Variants in SDHA observed in about 807,000 individuals in gnomAD.
SDHA encodes the protein succinate dehydrogenase complex flavoprotein subunit A, also known as succinate dehydrogenase [ubiquinone] flavoprotein subunit, mitochondrial.
Under a neutral mutation model 78.4 loss-of-function variants are expected in SDHA, and 48 were observed. The observed-to-expected ratio is 0.61, with a 90% CI of 0.49 to 0.78. The LOEUF (loss-of-function observed/expected upper bound fraction) is 0.78, where lower values mean the gene tolerates loss of function less well. Among genes scored for constraint, SDHA ranks in the 30% least tolerant of loss-of-function variants. SDHA has a pLI of 0.00. For synonymous variants in SDHA, 326 were observed against 353.9 expected, an observed-to-expected ratio of 0.92 and a Z score of 0.88; for missense variants, 680 against 892.7, an observed-to-expected ratio of 0.76 and a Z score of 3.04.
chr5:255,102 G>GGT (rs1346342887), intron 14 of SDHA, among the ~76,000 whole-genome samples: 5 of 106,116 alleles, frequency 4.7e-5, no homozygotes, highest in South Asian at 2.5e-4. Context: ...CACACACGGT[G>GGT]AGCAGCGTCC....
downstream of SDHA, among the ~76,000 whole-genome samples, chr5:258,586 A>G (rs1448802360): frequency 9.0e-6 from 1 of 111,092 alleles, no homozygotes; most frequent in Non-Finnish European, 1.8e-5. Flanking sequence ...CCGCCAGAGC[A>G]TTACCGTGTG....
At position 235,230 on chromosome 5, in the gene SDHA, C is replaced by G. The variant is rs151170408; in HGVS notation, c.1151C>G (p.Ser384Ter). ...EQLATRLPGI[S>*]ETAMIFAGVD... The stretch of plus-strand genomic sequence containing the variant: ...CTGGCCACGCGCCTGCCTGGCATTT[C>G]AGAGACAGCCATGATCTTCGCTGGC... The change falls in exon 9 of 15, where the codon TCA (serine) becomes TGA (stop). Residue 384 changes from serine to a stop codon, truncating the protein, a stop_gained. Transcript: ENST00000264932. LOFTEE classifies it high-confidence loss of function. The G allele has an allele frequency of 3.7e-6, 6 of 1,614,046 alleles. No individual in the cohort carries two copies. The highest frequency in any genetic ancestry group is 5.1e-6 in the Non-Finnish European group (6 of 1,179,894).
At chr5:225,675 G>A (rs1323642510) in intron 4 of SDHA, 113 bp downstream of exon 4, 3 of 1,489,746 alleles carry the variant, frequency 2.0e-6, no homozygotes, top group Non-Finnish European at 2.8e-6. Flanking sequence ...ATGGTGATGA[G>A]CAAAGTTCAC....
intron 11 of SDHA, 57 bp from the exon 12 acceptor site, chr5:250,935 T>G: frequency 6.9e-7 from 1 of 1,447,046 alleles, no homozygotes. Flanking sequence ...GTTAAGCAGT[T>G]CTTGGTATGG....
At chr5:224,309 A>C in intron 2 of SDHA, 51 bp from the exon 3 acceptor site, 1 of 1,584,472 alleles carries the variant, frequency 6.3e-7, no homozygotes, top group South Asian at 1.1e-5. Context: ...AAGATTCTTC[A>C]TGTTTGGCAT....
At chr5:250,430 A>G (rs1736736833) in intron 11 of SDHA, 1 of 184,498 alleles carries the variant, frequency 5.4e-6, no homozygotes, top group African/African-American at 2.4e-5. Context: ...CTATGAAGGA[A>G]CTCAGTGTAC....
chr5:262,790 T>A, the SDHA span, among the ~76,000 whole-genome samples: 1 of 152,212 alleles, frequency 6.6e-6, no homozygotes, highest in Non-Finnish European at 1.5e-5. Context: ...GAAAGTAATA[T>A]TAGGTTGGTG....
At chr5:266,815 T>C in the SDHA span, among the ~76,000 whole-genome samples, 1 of 151,988 alleles carries the variant, frequency 6.6e-6, no homozygotes, top group African/African-American at 2.4e-5. Flanking sequence ...GTAGACACGG[T>C]GGCCGCTGTC....
intron 7 of SDHA, among the ~76,000 whole-genome samples, chr5:231,588 G>A (rs1043794233): frequency 6.6e-6 from 1 of 151,548 alleles, no homozygotes; most frequent in Non-Finnish European, 1.5e-5. Context: ...AGTAAAGCAG[G>A]GATTGTTCAG....
chr5:225,300 T>G, intron 3 of SDHA, 119 bp from the exon 4 acceptor site: 1 of 1,308,488 alleles, frequency 7.6e-7, no homozygotes, highest in South Asian at 1.2e-5. Context: ...CAGCCCTCAC[T>G]GGGAGTCACT....
chr5:227,895 G>A (rs1446695441), intron 5 of SDHA: 15 of 411,362 alleles, frequency 3.6e-5, no homozygotes, highest in Admixed American at 7.2e-5. Flanking sequence ...AGCTGCATGC[G>A]GCCACCGGAC....
At chr5:235,633 C>T (rs372058636) in intron 9 of SDHA, 6 of 436,268 alleles carry the variant, frequency 1.4e-5, no homozygotes, top group African/African-American at 1.0e-4. Flanking sequence ...ATCAAGGGAT[C>T]TTTATAATTC....
At chr5:227,964 C>CTGTT (rs1735146840) in intron 5 of SDHA, 1 of 534,994 alleles carries the variant, frequency 1.9e-6, no homozygotes, top group Non-Finnish European at 3.4e-6. Context: ...AAAATAGGAG[C>CTGTT]TGTTGCTGCT....
intron 11 of SDHA, among the ~76,000 whole-genome samples, chr5:241,574 G>C (rs1736142044): frequency 6.6e-6 from 1 of 152,214 alleles, no homozygotes; most frequent in South Asian, 2.1e-4. Flanking sequence ...TGGGGCCGTG[G>C]AGAACCTGAT....
intron 11 of SDHA, among the ~76,000 whole-genome samples, chr5:247,117 A>C (rs1736513976): frequency 6.6e-6 from 1 of 151,932 alleles, no homozygotes; most frequent in African/African-American, 2.4e-5. Context: ...TCTGGCTCGA[A>C]AGGTAAAGTT....
Position 256,595 on chromosome 5 carries a change from G to T in SDHA, c.*175G>T. On this transcript the variant is annotated 3_prime_UTR_variant, in exon 15 of 15. Transcript: ENST00000264932. ...GCTTGCCAGGAACCCAGTGGCCAGG[G>T]AGCGTGGCACTTACCTTTGTCCCTT... 1.5e-6 allele frequency: 1 copy of T among 666,858 alleles called. No homozygotes were observed. Among genetic ancestry groups the T allele is most frequent in the Non-Finnish European group, 2.8e-6 (1 of 362,512 alleles). The allele number at this position is 666,858 out of a possible 1,614,324, so 41.3% of individuals were successfully genotyped here.
intron 11 of SDHA, chr5:250,110 T>C (rs1393454851): frequency 6.6e-6 from 1 of 152,240 alleles, no homozygotes; most frequent in Non-Finnish European, 1.5e-5. Flanking sequence ...TACTAGATTC[T>C]GAGATGCAAT....
At chr5:224,978 C>A in intron 3 of SDHA, 1 of 328,424 alleles carries the variant, frequency 3.0e-6, no homozygotes, top group Non-Finnish European at 5.8e-6. Context: ...GAGTGCGACT[C>A]TGAGTGTGGA....
intron 8 of SDHA, chr5:234,750 A>G (rs188518409): frequency 1.2e-3 from 382 of 308,750 alleles, no homozygotes; most frequent in African/African-American, 7.5e-3. Context: ...CTCCCATTTT[A>G]TATTAGGGAC....
Sources: allele counts gnomAD v4.1 joint callset (sites outside exome capture counted in the v4.1 genomes callset), GRCh38; gene constraint gnomAD v4.1.1; transcripts MANE v1.5; gene names NCBI Gene and HGNC (gene_info 2026-07-23, HGNC 2026-07-21).